The following CLUH variants were observed in gnomAD, a reference collection of about 807,000 sequenced individuals.
CLUH encodes clustered mitochondria protein homolog.
In CLUH, 77 loss-of-function variants were observed where a neutral mutation model predicts 139.3. The ratio of observed to expected loss-of-function variants is 0.55; its 90% CI spans 0.46 to 0.67. The LOEUF is 0.67. Among genes scored for constraint, CLUH ranks in the 30% least tolerant of loss-of-function variants. The probability of loss-of-function intolerance (pLI) is 0.00; values close to 1 mark genes in which losing one functional copy is unlikely to be tolerated. For missense variants in CLUH, 1,876 were observed against 1,875.8 expected (o/e 1.00, Z 0.00); for synonymous variants, 999 against 801.6 (o/e 1.25, Z -4.16).
Position 2,691,750 on chromosome 17 carries a change from C to G in CLUH, c.3789+11G>C. 1.9e-6 allele frequency: 3 copies of G among 1,596,692 alleles called. No individual in the cohort carries two copies. The highest frequency in any genetic ancestry group is 2.6e-6 in the Non-Finnish European group (3 of 1,172,202). On this transcript the variant is annotated intron_variant, in intron 24 of 25. Transcript: ENST00000651024. Reference sequence around the variant, plus strand: ...CGCCGGGCCGGAGGGGCCGCTCCGCCCCGGACTCACCTTGAGGGGCGGGAT... The same window carrying G: ...CGCCGGGCCGGAGGGGCCGCTCCGCGCCGGACTCACCTTGAGGGGCGGGAT...
At chr17:2,691,713 G>C (rs1395652520) in intron 24 of CLUH, 31 bp from the exon 25 acceptor site, 10 of 1,607,374 alleles carry the variant, frequency 6.2e-6, no homozygotes, top group Non-Finnish European at 8.5e-6. Context: ...CGGTGAGCGG[G>C]GCTCCCGCGC....
At position 2,698,039 on chromosome 17, in the gene CLUH, G is replaced by A. The variant is rs781295052; in HGVS notation, c.1818C>T (p.Arg606=). 10 of 1,606,092 alleles carry A rather than the reference G, an allele frequency of 6.2e-6. No individual in the cohort carries two copies. The highest frequency in any genetic ancestry group is 2.2e-5 in the East Asian group (1 of 44,790). ...DGRHYILDLL[R]TFPPDLNFLP... ...GGAAGTTGAGGTCCGGGGGGAAGGTGCGCAGCAGGTCGAGGATGTAGTGGC... is the reference window on the plus strand; with the variant it reads ...GGAAGTTGAGGTCCGGGGGGAAGGTACGCAGCAGGTCGAGGATGTAGTGGC... The change falls in exon 10 of 26, where the codon CGC becomes CGT. Residue 606 remains arginine, a synonymous_variant. Transcript: ENST00000651024.
In CLUH at chr17:2,694,939, C is replaced by A; in HGVS notation, c.2770G>T (p.Ala924Ser). The A allele has an allele frequency of 1.2e-6, 2 of 1,610,458 alleles. No homozygotes were observed. The highest frequency in any genetic ancestry group is 1.7e-6 in the Non-Finnish European group (2 of 1,178,410). ...TCCTGGGGGGTCATGACAGCCCAGG[C>A]TGTGTTATCTGCAGCCCCCGGGGGC... Reference protein sequence around the residue: ...NRPPGAADNTAWAVMTPQELW... With the variant: ...NRPPGAADNTSWAVMTPQELW... The change falls in exon 16 of 26, where the codon GCC becomes TCC. Residue 924 changes from alanine to serine, a missense_variant. Physicochemically the swap from Ala to Ser is moderately conservative, Grantham distance 99 (BLOSUM62 1). This residue lies in a region of CLUH where 1,454 missense variants were observed against 1,384.4 expected (regional missense o/e 1.05). Transcript: ENST00000651024.
Position 2,707,591 on chromosome 17 carries a change from A to G in CLUH, c.101-3027T>C, listed in dbSNP as rs2070385413. 3.0e-6 allele frequency: 3 copies of G among 985,256 alleles called. No homozygotes were observed. In the African/African-American group the frequency reaches 5.2e-5, roughly 17 times the overall value. 61.0% of individuals were successfully genotyped at this position (985,256 alleles called of 1,614,324 possible). A position where few individuals can be genotyped will look rare whatever the true frequency, so the allele number is the denominator to read the frequency against. On this transcript the variant is annotated intron_variant, in intron 1 of 25. Transcript: ENST00000651024. This position sits in a 1 kb window ranked among gnomAD's most constrained non-coding sequence, Gnocchi z 7.4. ...AGAACCCAGAATTTGGGGTACCTGG[A>G]CCCCTCAAGATTGAGGGCCTAGGAG...
At position 2,696,357 on chromosome 17, in the gene CLUH, C is replaced by T. The variant is rs966318663; in HGVS notation, c.2290+77G>A. On this transcript the variant is annotated intron_variant, in intron 12 of 25. Transcript: ENST00000651024. The stretch of plus-strand genomic sequence containing the variant: ...GCGCTCAGATGGGGGACAAACCCAC[C>T]AGCCCCAAGGGCCCAGGCCCCCCAG... 7.3e-6 allele frequency: 11 copies of T among 1,511,298 alleles called. No individual in the cohort carries two copies. The African/African-American group carries it at 1.5e-4, about 21-fold the overall frequency. The allele number at this position is 1,511,298 out of a possible 1,614,324, so 93.6% of individuals were successfully genotyped here.
At position 2,696,468 on chromosome 17, in the gene CLUH, G is replaced by A. The variant is rs369055373; in HGVS notation, c.2256C>T (p.Phe752=). 1,048 of 1,595,556 alleles carry A rather than the reference G, an allele frequency of 6.6e-4. 16 individuals are homozygous for A. In the South Asian group the frequency reaches 0.011, roughly 17 times the overall value. Residue 752 remains phenylalanine, a synonymous_variant, in exon 12 of 26, where the codon TTC becomes TTT. Coordinates refer to ENST00000651024, the MANE Select transcript of CLUH (RefSeq NM_001366661.1). The part of the protein sequence containing the change: ...KAVGSISSTA[F]DIRFNPDIFS... Reference sequence around the variant, plus strand: ...AGATGTCAGGATTGAAGCGAATGTCGAAGGCGGTGCTGCTGATGGAGCCGA... The same window carrying A: ...AGATGTCAGGATTGAAGCGAATGTCAAAGGCGGTGCTGCTGATGGAGCCGA...
intron 10 of CLUH, 94 bp from the exon 11 acceptor site, chr17:2,697,036 C>T (rs548863224): frequency 1.1e-4 from 103 of 957,560 alleles, no homozygotes; most frequent in African/African-American, 6.1e-4. Flanking sequence ...CTCCACACCC[C>T]GCAGGCATAG....
In CLUH at chr17:2,692,600, C is replaced by A; in HGVS notation, c.3409G>T (p.Glu1137Ter). 1 of 1,612,614 alleles carries A rather than the reference C, an allele frequency of 6.2e-7. No individual in the cohort carries two copies. Among genetic ancestry groups the A allele is most frequent in the Non-Finnish European group, 8.5e-7 (1 of 1,179,584 alleles). The change falls in exon 21 of 26, where the codon GAA becomes TAA. Residue 1137 changes from glutamate to a stop codon, truncating the protein, a stop_gained. Coordinates refer to ENST00000651024, the MANE Select transcript of CLUH (RefSeq NM_001366661.1). LOFTEE classifies it high-confidence loss of function. The part of the protein sequence containing the change: ...ARYLMLLVFG[E>*]DHPEMALLDN... ...AGCAGCGCCATCTCGGGGTGGTCTT[C>A]CCCGAACACCAGCAGCATGAGGTAG...
Position 2,691,602 on chromosome 17 carries a change from G to A in CLUH, c.3863+7C>T. The stretch of plus-strand genomic sequence containing the variant: ...CGGGAGACACTCGAGTGGGGCGGAG[G>A]CCTCACCTGAGAGGAATGAAGAGGA... On this transcript the variant is annotated splice_region_variant and intron_variant, in intron 25 of 25. Coordinates refer to ENST00000651024, the MANE Select transcript of CLUH (RefSeq NM_001366661.1). The A allele has an allele frequency of 4.3e-6, 7 of 1,611,438 alleles. No homozygotes were observed. The highest frequency in any genetic ancestry group is 2.2e-5 in the East Asian group (1 of 44,798).
chr17:2,696,891 G>A lies in CLUH; in HGVS notation c.2013C>T (p.Ala671=). 1 of 1,611,618 alleles carries A rather than the reference G, an allele frequency of 6.2e-7. No individual in the cohort carries two copies. The highest frequency in any genetic ancestry group is 8.5e-7 in the Non-Finnish European group (1 of 1,179,104). ...GGGAGGAGGGGGTCTCCAGCTGGCT[G>A]GCGTTCTGCTGCATCAGCTGCAAGG... ...LAALQLMQQN[A]SQLETPSSLE... is the part of the protein sequence containing the mutation. The change falls in exon 11 of 26, where the codon GCC becomes GCT. Residue 671 remains alanine (A), a synonymous_variant. Transcript: ENST00000651024.
At position 2,707,932 on chromosome 17, in the gene CLUH, C is replaced by T. The variant is rs1567600034; in HGVS notation, c.101-3368G>A. 7 of 985,332 alleles carry T rather than the reference C, an allele frequency of 7.1e-6. No individual in the cohort carries two copies. Among genetic ancestry groups the T allele is most frequent in the Middle Eastern group, 5.2e-4 (1 of 1,936 alleles). The allele number at this position is 985,332 out of a possible 1,614,324, so 61.0% of individuals were successfully genotyped here. ...CAGCTTCCCAGAGGACAACTGCACC[C>T]GTGCCCCTGGCCTCCAGGCTCCATC... On this transcript the variant is annotated intron_variant, in intron 1 of 25. Transcript: ENST00000651024. This position sits in a 1 kb window ranked among gnomAD's most constrained non-coding sequence, Gnocchi z 7.4.
At position 2,704,475 on chromosome 17, in the gene CLUH, G is replaced by C; in HGVS notation, c.190C>G (p.Leu64Val). The change falls in exon 2 of 26, where the codon CTT (leucine) becomes GTT (valine). Residue 64 changes from leucine (L) to valine (V), a missense_variant. By Grantham distance (32) the Leu-to-Val change is conservative (BLOSUM62 1). Around this residue, in one of 3 missense-constraint regions of CLUH, gnomAD observed 152 missense variants for 136.7 expected, o/e 1.11. Coordinates refer to ENST00000651024, the MANE Select transcript of CLUH (RefSeq NM_001366661.1). The surrounding 1 kb of genome is among the most constrained non-coding windows in gnomAD (Gnocchi z 5.7). ...TCATCTCCCGGGCCGGCCTCGTCAA[G>C]CCCATTTTCCCTGGGTGGCTCGGCC... is the stretch of plus-strand genomic sequence containing the variant. ...AAAEPPRENG[L>V]DEAGPGDETT... 2 of 1,598,250 alleles carry C rather than the reference G, an allele frequency of 1.3e-6. No individual in the cohort carries two copies. The highest frequency in any genetic ancestry group is 1.7e-6 in the Non-Finnish European group (2 of 1,172,890).
rs959875927 is a variant in CLUH, at chr17:2,695,075, G to A, written c.2634C>T (p.Ala878=). The change falls in exon 16 of 26, where the codon GCC becomes GCT. Residue 878 remains alanine, a synonymous_variant. Transcript: ENST00000651024. Reference sequence around the variant, plus strand: ...AGCAGTTCAGGAAGTGGCTGATGGCGGCTGAGAGGCCGGAGAGCTCGACTC... The same window carrying A: ...AGCAGTTCAGGAAGTGGCTGATGGCAGCTGAGAGGCCGGAGAGCTCGACTC... ...LQGVELSGLS[A]AISHFLNCFL... 22 of 1,612,366 alleles carry A rather than the reference G, an allele frequency of 1.4e-5. No homozygotes were observed. The highest frequency in any genetic ancestry group is 1.6e-4 in the Middle Eastern group (1 of 6,078).
In CLUH at chr17:2,699,940, TTTTTC is replaced by T. The variant is rs1410825235; in HGVS notation, c.1266+437_1266+441del. On this transcript the variant is annotated intron_variant, in intron 9 of 25. Transcript: ENST00000651024. ...CTACTGAAGCCGGCCTGAGATTTTTTTTTTCTTAAGCAACTGCTTTTCCTCATTTC... is the reference window on the plus strand; with the variant it reads ...CTACTGAAGCCGGCCTGAGATTTTTTTTAAGCAACTGCTTTTCCTCATTTC... 3.3e-5 allele frequency among the ~76,000 whole-genome samples: 5 copies of T among 152,354 alleles called. No homozygotes were observed. In the East Asian group the frequency reaches 7.7e-4, roughly 23 times the overall value.
In CLUH at chr17:2,701,992, C is replaced by T; in HGVS notation, c.541G>A (p.Asp181Asn). 6.2e-7 allele frequency: 1 copy of T among 1,613,990 alleles called. No homozygotes were observed. The highest frequency in any genetic ancestry group is 8.5e-7 in the Non-Finnish European group (1 of 1,179,902). The change falls in exon 4 of 26, where the codon GAC becomes AAC. Residue 181 changes from aspartate to asparagine, a missense_variant. Physicochemically the swap from Asp to Asn is conservative, Grantham distance 23. Coordinates refer to ENST00000651024, the MANE Select transcript of CLUH (RefSeq NM_001366661.1). ...ACCCCGTTGAAGGCATCGGATGGGT[C>T]CAGGCTCTTGAGCAGGTCTCGGACA... The part of the protein sequence containing the change: ...RHVRDLLKSL[D>N]PSDAFNGVDC...
In CLUH at chr17:2,706,940, C is replaced by T. The variant is rs962249442; in HGVS notation, c.101-2376G>A. Among the ~76,000 whole-genome samples, 3 of 152,316 alleles carry T rather than the reference C, an allele frequency of 2.0e-5. No homozygotes were observed. Among genetic ancestry groups the T allele is most frequent in the African/African-American group, 7.2e-5 (3 of 41,568 alleles). On this transcript the variant is annotated intron_variant, in intron 1 of 25. Transcript: ENST00000651024. The surrounding 1 kb of genome is among the most constrained non-coding windows in gnomAD (Gnocchi z 4.6). ...AGGAGGGACGACAAGGCAAGGTGGC[C>T]GCGGCTCCCACTCTCCTTCCCCAGC...
rs990655730 is a variant in CLUH at position 2,692,155 on chromosome 17, C to G, written c.3561-58G>C. On this transcript the variant is annotated intron_variant, in intron 22 of 25. Coordinates refer to ENST00000651024, the MANE Select transcript of CLUH (RefSeq NM_001366661.1). Reference sequence around the variant, plus strand: ...GGCATAAGTGGGCTGGGTGTGGGGGCCTGACTCGGGGGCCCGGGGTCTCCC... The same window carrying G: ...GGCATAAGTGGGCTGGGTGTGGGGGGCTGACTCGGGGGCCCGGGGTCTCCC... 12 of 1,518,714 alleles carry G rather than the reference C, an allele frequency of 7.9e-6. No homozygotes were observed. The African/African-American group carries it at 1.5e-4, about 19-fold the overall frequency. The allele number at this position is 1,518,714 out of a possible 1,614,324, so 94.1% of individuals were successfully genotyped here. A position where few individuals can be genotyped will look rare whatever the true frequency, so the allele number is the denominator to read the frequency against.
chr17:2,694,528 C>T lies in CLUH; in HGVS notation c.2889G>A (p.Leu963=), dbSNP rs763042203. The T allele has an allele frequency of 1.0e-5, 16 of 1,583,104 alleles. No individual in the cohort carries two copies. Among genetic ancestry groups the T allele is most frequent in the East Asian group, 2.3e-5 (1 of 43,302 alleles). The change falls in exon 17 of 26, where the codon CTG becomes CTA. Residue 963 remains leucine, a synonymous_variant. Transcript: ENST00000651024. ...TCTCCCGCAGGAGCGTTATCTTCTG[C>T]AGGCCGTAGGTCTCCACAGCCTGGT... ...TVDQAVETYG[L]QKITLLREIS... is the part of the protein sequence containing the mutation.
chr17:2,709,717 C>T (rs994903085), intron 1 of CLUH, among the ~76,000 whole-genome samples: 5 of 152,160 alleles, frequency 3.3e-5, no homozygotes, highest in Non-Finnish European at 7.4e-5. Context: ...GAAGAGCCTT[C>T]CAGAGCTGGA....
Sources: gnomAD v4.1 joint callset for allele counts (sites outside exome capture counted in the v4.1 genomes callset) on GRCh38, gnomAD v4.1.1 for gene constraint, gnomAD v4.1.1 regional missense constraint, Gnocchi (gnomAD v3.1) non-coding constraint, MANE v1.5 for transcripts, NCBI Gene and HGNC (gene_info 2026-07-23, HGNC 2026-07-21) for gene names.